The following LILRB2 variants were observed in gnomAD, a reference collection of about 807,000 sequenced individuals.
LILRB2 encodes leukocyte immunoglobulin like receptor B2.
In LILRB2, 47 loss-of-function variants were observed where a neutral mutation model predicts 72.7. That is an observed-to-expected ratio of 0.65 (90% CI 0.51 to 0.82). LILRB2 has a LOEUF of 0.82. Among genes scored for constraint, LILRB2 ranks in the 40% least tolerant of loss-of-function variants. LILRB2 has a pLI of 0.00. For missense variants in LILRB2, 767 were observed against 764.8 expected (o/e 1.00, Z -0.03); for synonymous variants, 279 against 313.7 (o/e 0.89, Z 1.17).
intron 7 of LILRB2, 142 bp from the exon 8 acceptor site, chr19:54,278,081 C>A: frequency 9.0e-7 from 1 of 1,114,040 alleles, no homozygotes; most frequent in Admixed American, 2.8e-5. Flanking sequence ...GCTGGCGATG[C>A]CGCTGAGTGT....
Position 54,278,921 on chromosome 19 carries a change from G to C in LILRB2, c.846C>G (p.Thr282=). 1.2e-6 allele frequency: 2 copies of C among 1,614,206 alleles called. No homozygotes were observed. The highest frequency in any genetic ancestry group is 1.7e-6 in the Non-Finnish European group (2 of 1,180,018). Residue 282 remains threonine (T), a synonymous_variant, in exon 6 of 14, where the codon ACC becomes ACG. Coordinates refer to ENST00000314446, the MANE Select transcript of LILRB2 (RefSeq NM_001080978.4). ...PQAGLSQANF[T]LGPVSRSYGG... ...CGTAGGAGCGGCTCACAGGGCCCAG[G>C]GTGAAGTTGGCCTGGGAGAGCCCAG... is the stretch of plus-strand genomic sequence containing the variant.
chr19:54,278,166 C>G (rs1183512111), intron 7 of LILRB2, 94 bp downstream of exon 7: 1 of 1,529,818 alleles, frequency 6.5e-7, no homozygotes, highest in East Asian at 2.3e-5. Flanking sequence ...CCCGCTCAGA[C>G]CCCCGCTCAC....
chr19:54,274,606 C>A lies in LILRB2; in HGVS notation c.*77G>T. On this transcript the variant is annotated 3_prime_UTR_variant, in exon 14 of 14. Transcript: ENST00000314446. ...CAGGCTGACTGGGGTTCATTGGTGT[C>A]CACTGGGGGCAGCTCCCGTGCCTTC... 6.2e-7 allele frequency: 1 copy of A among 1,607,732 alleles called. No individual in the cohort carries two copies.
rs3900844 is a variant in LILRB2 at position 54,277,907 on chromosome 19, C to T, written c.1291G>A (p.Gly431Ser). ...GACTCACCAGGTGTGGAGATGGGAC[C>T]GGTGGGTGGGGGGCTGGAACCCATG... ...PSMGSSPPPT[G>S]PISTPGPEDQ... is the part of the protein sequence containing the mutation. Residue 431 changes from glycine to serine, a missense_variant, in exon 8 of 14, where the codon GGT becomes AGT. Transcript: ENST00000314446. The T allele has an allele frequency of 4.3e-5, 67 of 1,544,998 alleles. No individual in the cohort carries two copies. In the South Asian group the frequency reaches 5.4e-4, roughly 12 times the overall value.
chr19:54,280,289 C>T lies in LILRB2; in HGVS notation c.45G>A (p.Leu15=), dbSNP rs2080490448. ...CTGTCTGCACGCGGGTCCTGGGGCCCAGACTCAGCCCTGGAAGAGAGTTCC... is the reference window on the plus strand; with the variant it reads ...CTGTCTGCACGCGGGTCCTGGGGCCTAGACTCAGCCCTGGAAGAGAGTTCC... ...VTVLICLGLS[L]GPRTRVQTGT... The change falls in exon 3 of 14, where the codon CTG becomes CTA. Residue 15 remains leucine (L), a synonymous_variant. Transcript: ENST00000314446. 2 of 1,614,094 alleles carry T rather than the reference C, an allele frequency of 1.2e-6. No individual in the cohort carries two copies. Among genetic ancestry groups the T allele is most frequent in the Non-Finnish European group, 1.7e-6 (2 of 1,180,008 alleles).
Position 54,274,249 on chromosome 19 carries a change from T to G in LILRB2, c.*434A>C, listed in dbSNP as rs1399106838. The G allele has an allele frequency of 6.0e-6, 1 of 166,238 alleles. No homozygotes were observed. The highest frequency in any genetic ancestry group is 2.4e-5 in the African/African-American group (1 of 41,670). 10.3% of individuals were successfully genotyped at this position (166,238 alleles called of 1,614,324 possible). A position where few individuals can be genotyped will look rare whatever the true frequency, so the allele number is the denominator to read the frequency against. ...ACTCTTCTTCTTCTTATTCCCTTTCTTACACCTTCATTTGGAATAATTGGT... is the reference window on the plus strand; with the variant it reads ...ACTCTTCTTCTTCTTATTCCCTTTCGTACACCTTCATTTGGAATAATTGGT... On this transcript the variant is annotated 3_prime_UTR_variant, in exon 14 of 14. Coordinates refer to ENST00000314446, the MANE Select transcript of LILRB2 (RefSeq NM_001080978.4).
intron 13 of LILRB2, chr19:54,275,712 C>G (rs1569093423): frequency 1.5e-6 from 1 of 662,032 alleles, no homozygotes; most frequent in East Asian, 3.2e-5. Context: ...GGGGAGCGCT[C>G]TAACAACCAG....
chr19:54,277,257 C>T (rs1273084963), intron 9 of LILRB2: 4 of 1,527,926 alleles, frequency 2.6e-6, no homozygotes, highest in Non-Finnish European at 3.5e-6. Flanking sequence ...CTCCCCTCCC[C>T]TGCCCCAGGT....
chr19:54,277,848 G>T, intron 8 of LILRB2, 41 bp downstream of exon 8: 2 of 1,493,194 alleles, frequency 1.3e-6, no homozygotes, highest in Non-Finnish European at 9.1e-7. Flanking sequence ...TGCCCTGGGG[G>T]TCGCTGCGCT....
chr19:54,279,004 C>G lies in LILRB2; in HGVS notation c.763G>C (p.Val255Leu). 2 of 1,614,216 alleles carry G rather than the reference C, an allele frequency of 1.2e-6. No homozygotes were observed. The highest frequency in any genetic ancestry group is 1.7e-6 in the Non-Finnish European group (2 of 1,180,028). ...TCACGTTCCCCCTCCTTGTACAGAA[C>G]AAATCTGTCATAGCCGACATCAGAG... ...CVSDVGYDRF[V>L]LYKEGERDLR... The change falls in exon 6 of 14, where the codon GTT becomes CTT. Residue 255 changes from valine to leucine, a missense_variant. This residue lies in a region of LILRB2 where 599 missense variants were observed against 568.2 expected (regional missense o/e 1.05). Transcript: ENST00000314446.
intron 9 of LILRB2, 88 bp downstream of exon 9, chr19:54,277,462 C>T: frequency 2.0e-6 from 3 of 1,528,422 alleles, no homozygotes; most frequent in Non-Finnish European, 2.7e-6. Flanking sequence ...TCTACATCAC[C>T]ACCTCCAGAG....
chr19:54,279,977 C>G lies in LILRB2; in HGVS notation c.169G>C (p.Glu57Gln). The change falls in exon 4 of 14, where the codon GAG becomes CAG. Residue 57 changes from glutamate (E) to glutamine (Q), a missense_variant. Around this residue, in one of 3 missense-constraint regions of LILRB2, gnomAD observed 599 missense variants for 568.2 expected, o/e 1.05. Coordinates refer to ENST00000314446, the MANE Select transcript of LILRB2 (RefSeq NM_001080978.4). ...TTTTTCTCCCTATATAGACGGTACT[C>G]CTGGGCTTCAAGGCTCCCCTGACAA... ...LSCQGSLEAQ[E>Q]YRLYREKKSA... The G allele has an allele frequency of 6.2e-7, 1 of 1,614,004 alleles. No homozygotes were observed. The highest frequency in any genetic ancestry group is 8.5e-7 in the Non-Finnish European group (1 of 1,180,018).
At chr19:54,277,096 A>C in intron 9 of LILRB2, 167 bp from the exon 10 acceptor site, 1 of 1,506,182 alleles carries the variant, frequency 6.6e-7, no homozygotes, top group South Asian at 1.2e-5. Context: ...TGACGCTCAG[A>C]GAGGGGAATC....
rs146672031 is a variant in LILRB2 at position 54,278,290 on chromosome 19, G to T, written c.1228C>A (p.Pro410Thr). The T allele has an allele frequency of 3.3e-5, 53 of 1,614,188 alleles. No individual in the cohort carries two copies. The African/African-American group carries it at 5.9e-4, about 18-fold the overall frequency. ...LNSDPYLLSH[P>T]SEPLELVVSG... ...ACCACGAGCTCCAGGGGCTCACTGGGGTGAGACAGCAGGTAGGGGTCGGAG... is the reference window on the plus strand; with the variant it reads ...ACCACGAGCTCCAGGGGCTCACTGGTGTGAGACAGCAGGTAGGGGTCGGAG... Residue 410 changes from proline to threonine, a missense_variant, in exon 7 of 14, where the codon CCC (proline) becomes ACC (threonine). By Grantham distance (38) the Pro-to-Thr change is conservative (BLOSUM62 -1). Coordinates refer to ENST00000314446, the MANE Select transcript of LILRB2 (RefSeq NM_001080978.4).
At chr19:54,277,113 C>T in intron 9 of LILRB2, 184 bp from the exon 10 acceptor site, 1 of 1,497,258 alleles carries the variant, frequency 6.7e-7, no homozygotes, top group East Asian at 2.5e-5. Flanking sequence ...AATCGCCTGC[C>T]CCGGGCCCCC....
intron 10 of LILRB2, 47 bp downstream of exon 10, chr19:54,276,760 T>C: frequency 6.3e-7 from 1 of 1,597,504 alleles, no homozygotes; most frequent in South Asian, 1.1e-5. Flanking sequence ...GGCTGTGCCC[T>C]GAGCCCACCC....
At position 54,274,505 on chromosome 19, in the gene LILRB2, A is replaced by G. The variant is rs1351352224; in HGVS notation, c.*178T>C. 2 of 1,145,248 alleles carry G rather than the reference A, an allele frequency of 1.7e-6. No homozygotes were observed. The highest frequency in any genetic ancestry group is 1.6e-5 in the African/African-American group (1 of 63,592). 70.9% of individuals were successfully genotyped at this position (1,145,248 alleles called of 1,614,324 possible). A position where few individuals can be genotyped will look rare whatever the true frequency, so the allele number is the denominator to read the frequency against. On this transcript the variant is annotated 3_prime_UTR_variant, in exon 14 of 14. Transcript: ENST00000314446. ...GTTGCTTTAATTAAAAAATGTAGGG[A>G]TATTAGTTATTTCGACTGCAGAATC...
intron 6 of LILRB2, 84 bp from the exon 7 acceptor site, chr19:54,278,646 T>C: frequency 6.6e-7 from 1 of 1,515,896 alleles, no homozygotes; most frequent in Non-Finnish European, 8.9e-7. Context: ...AGCCTCTGTC[T>C]CTGTTTTCTC....
chr19:54,277,346 C>G, intron 9 of LILRB2: 2 of 1,193,268 alleles, frequency 1.7e-6, no homozygotes, highest in Non-Finnish European at 2.4e-6. Flanking sequence ...GGCCTCCTCT[C>G]CCAGGAGGTC....
Sources: gnomAD v4.1 joint callset for allele counts on GRCh38, gnomAD v4.1.1 for gene constraint, gnomAD v4.1.1 regional missense constraint, MANE v1.5 for transcripts, NCBI Gene and HGNC (gene_info 2026-07-23, HGNC 2026-07-21) for gene names.